Variants in TAOK3 observed in about 807,000 individuals in gnomAD.
The protein encoded by TAOK3 is serine/threonine-protein kinase TAO3.
A neutral mutation model predicts 120.4 loss-of-function variants in TAOK3; 40 were observed. That is an observed-to-expected ratio of 0.33 (90% confidence interval 0.26 to 0.43). The LOEUF (loss-of-function observed/expected upper bound fraction) is 0.43, where lower values mean the gene tolerates loss of function less well. TAOK3 is among the 20% of genes least tolerant of loss of function. The probability of loss-of-function intolerance (pLI) is 1.00; values close to 1 mark genes in which losing one functional copy is unlikely to be tolerated. For missense variants in TAOK3, 821 were observed against 1,112.1 expected (o/e 0.74, Z 3.72); for synonymous variants, 355 against 387.5 (o/e 0.92, Z 0.99).
At chr12:118,205,797 G>C (rs2038271736) in intron 11 of TAOK3, among the ~76,000 whole-genome samples, 1 of 152,074 alleles carries the variant, frequency 6.6e-6, no homozygotes, top group South Asian at 2.1e-4. Flanking sequence ...TTTTAGTAGA[G>C]ATGGGGTTTC....
chr12:118,304,295 T>C (rs2140748471), intron 1 of TAOK3, among the ~76,000 whole-genome samples: 1 of 152,312 alleles, frequency 6.6e-6, no homozygotes, highest in Admixed American at 6.5e-5. Flanking sequence ...ATTTTGGCTC[T>C]CTAGAAATTT....
In TAOK3 at chr12:118,315,158, CA is replaced by C. The variant is rs2043407952; in HGVS notation, c.-193-48400del. Among the ~76,000 whole-genome samples, 2 of 152,124 alleles carry C rather than the reference CA, an allele frequency of 1.3e-5. 1 individual carries two copies. The highest frequency in any genetic ancestry group is 4.8e-5 in the African/African-American group (2 of 41,426). On this transcript the variant is annotated intron_variant, in intron 1 of 20. Transcript: ENST00000392533. ...GTTGGTCATGGTGAACTCCTGACCTCAAGTGATCTGCCCGCCTTGGACTCCC... is the reference window on the plus strand; with the variant it reads ...GTTGGTCATGGTGAACTCCTGACCTCAGTGATCTGCCCGCCTTGGACTCCC...
At chr12:118,208,171 G>A (rs1702334186) in intron 11 of TAOK3, among the ~76,000 whole-genome samples, 1 of 151,906 alleles carries the variant, frequency 6.6e-6, no homozygotes. Context: ...ATTTACATCT[G>A]TCCTTTAACC....
In TAOK3 at chr12:118,156,912, G is replaced by A. The variant is rs140932936; in HGVS notation, c.2352+3234C>T. ...GTGCCACCAAGCCCAACTGATTTTTGTATTTTTAGTAGAGACAGGGTTTTA... is the reference window on the plus strand; with the variant it reads ...GTGCCACCAAGCCCAACTGATTTTTATATTTTTAGTAGAGACAGGGTTTTA... On this transcript the variant is annotated intron_variant, in intron 19 of 20. Coordinates refer to ENST00000392533, the MANE Select transcript of TAOK3 (RefSeq NM_016281.4). Among the ~76,000 whole-genome samples, 15 of 152,040 alleles carry A rather than the reference G, an allele frequency of 9.9e-5. No individual in the cohort carries two copies. In the East Asian group the frequency reaches 2.7e-3, roughly 27 times the overall value.
In TAOK3 at chr12:118,238,055, A is replaced by T; in HGVS notation, c.437+18T>A. 6.7e-7 allele frequency: 1 copy of T among 1,498,462 alleles called. No individual in the cohort carries two copies. The highest frequency in any genetic ancestry group is 1.4e-5 in the African/African-American group (1 of 72,284). The allele number at this position is 1,498,462 out of a possible 1,614,324, so 92.8% of individuals were successfully genotyped here. On this transcript the variant is annotated intron_variant, in intron 7 of 20. Transcript: ENST00000392533. ...AGTCCTGCAACTGAAAAGAAACATA[A>T]CTGGTCTCTAATCTTACCTATGAAT...
intron 16 of TAOK3, among the ~76,000 whole-genome samples, chr12:118,173,359 T>C (rs116556847): frequency 0.021 from 3,235 of 152,268 alleles, 121 homozygotes; most frequent in African/African-American, 0.073. Flanking sequence ...ATCTTTAGTA[T>C]AGGAGAAATG....
chr12:118,193,585 G>C (rs998860778), intron 13 of TAOK3, among the ~76,000 whole-genome samples: 1 of 151,948 alleles, frequency 6.6e-6, no homozygotes, highest in African/African-American at 2.4e-5. Context: ...TTCGTGGTTA[G>C]GCACTTGCCT....
At chr12:118,270,964 A>G (rs1177166285) in intron 1 of TAOK3, among the ~76,000 whole-genome samples, 1 of 152,098 alleles carries the variant, frequency 6.6e-6, no homozygotes, top group Non-Finnish European at 1.5e-5. Context: ...GGTGTGAGCC[A>G]CCACGCCCGG....
At chr12:118,173,390 G>A (rs1361808299) in intron 16 of TAOK3, among the ~76,000 whole-genome samples, 4 of 152,174 alleles carry the variant, frequency 2.6e-5, no homozygotes, top group South Asian at 2.1e-4. Context: ...ATGTGAGAGT[G>A]TCATAATGAG....
At chr12:118,322,718 CTTTTTT>C (rs199608892) in intron 1 of TAOK3, among the ~76,000 whole-genome samples, 4 of 93,834 alleles carry the variant, frequency 4.3e-5, no homozygotes, top group African/African-American at 9.4e-5. Flanking sequence ...ATTTAAAAAC[CTTTTTT>C]TTTTTTTTTT....
intron 1 of TAOK3, among the ~76,000 whole-genome samples, chr12:118,354,973 C>G (rs11068920): frequency 0.032 from 4,899 of 151,932 alleles, 284 homozygotes; most frequent in East Asian, 0.25. Context: ...GCAGGAGGGT[C>G]CCTTGAGTCT....
intron 2 of TAOK3, among the ~76,000 whole-genome samples, chr12:118,259,391 CT>C (rs2041127833): frequency 6.6e-6 from 1 of 151,972 alleles, no homozygotes; most frequent in Non-Finnish European, 1.5e-5. Context: ...GATACAAAAA[CT>C]TAGCTGTGTA....
chr12:118,224,004 C>T (rs1428834423), intron 9 of TAOK3, among the ~76,000 whole-genome samples: 1 of 152,202 alleles, frequency 6.6e-6, no homozygotes, highest in Non-Finnish European at 1.5e-5. Flanking sequence ...AAAATAATCG[C>T]TACCATTTAC....
At chr12:118,337,984 T>C (rs1018736676) in intron 1 of TAOK3, among the ~76,000 whole-genome samples, 2 of 152,224 alleles carry the variant, frequency 1.3e-5, no homozygotes, top group African/African-American at 4.8e-5. Context: ...TATGATCTTA[T>C]TGTTAAGGGA....
At chr12:118,367,884 G>T (rs149051623) in intron 1 of TAOK3, among the ~76,000 whole-genome samples, 1 of 152,018 alleles carries the variant, frequency 6.6e-6, no homozygotes, top group African/African-American at 2.4e-5. Context: ...AGTACCAACA[G>T]TTTTCATCTA....
At chr12:118,169,744 G>A (rs1029689648) in intron 17 of TAOK3, among the ~76,000 whole-genome samples, 5 of 149,854 alleles carry the variant, frequency 3.3e-5, no homozygotes, top group Non-Finnish European at 7.4e-5. Context: ...TTTTTGAGAC[G>A]GAGTCTCCCT....
intron 1 of TAOK3, among the ~76,000 whole-genome samples, chr12:118,282,832 C>T (rs888298870): frequency 3.9e-5 from 6 of 152,154 alleles, no homozygotes; most frequent in Non-Finnish European, 7.3e-5. Context: ...CACATGCCCG[C>T]CTGAAAGCTG....
chr12:118,214,822 T>G (rs1308284568), intron 9 of TAOK3, among the ~76,000 whole-genome samples: 1 of 151,288 alleles, frequency 6.6e-6, no homozygotes, highest in African/African-American at 2.4e-5. Context: ...CCCAGCTCAC[T>G]ACAACCTCCG....
intron 1 of TAOK3, among the ~76,000 whole-genome samples, chr12:118,295,901 G>T (rs975608200): frequency 8.5e-5 from 13 of 152,180 alleles, no homozygotes; most frequent in African/African-American, 2.9e-4. Context: ...CATTGTTCTA[G>T]TATTAAAAAA....
Sources: allele counts gnomAD v4.1 joint callset (sites outside exome capture counted in the v4.1 genomes callset), GRCh38; gene constraint gnomAD v4.1.1; transcripts MANE v1.5; gene names NCBI Gene and HGNC (gene_info 2026-07-23, HGNC 2026-07-21).